BRINP1: variants seen among roughly 807,000 people sequenced by gnomAD.
BRINP1 encodes BMP/retinoic acid-inducible neural-specific protein 1.
A neutral mutation model predicts 72.9 loss-of-function variants in BRINP1; 17 were observed. The ratio of observed to expected loss-of-function variants is 0.23; its 90% CI spans 0.16 to 0.35. BRINP1 has a LOEUF of 0.35. Ranked by LOEUF, BRINP1 falls within the 10% of genes least tolerant of loss-of-function variation. The probability of loss-of-function intolerance (pLI) is 1.00; values close to 1 mark genes in which losing one functional copy is unlikely to be tolerated. For synonymous variants in BRINP1, 418 were observed against 378.5 expected, an observed-to-expected ratio of 1.10 and a Z score of -1.21; for missense variants, 850 against 1,001.6, an observed-to-expected ratio of 0.85 and a Z score of 2.04.
chr9:119,335,489 G>A (rs2119016150), intron 1 of BRINP1, among the ~76,000 whole-genome samples: 1 of 152,266 alleles, frequency 6.6e-6, no homozygotes, highest in Middle Eastern at 3.4e-3. Flanking sequence ...TCTTTCAACA[G>A]GTACTTACTG....
intron 1 of BRINP1, among the ~76,000 whole-genome samples, chr9:119,326,680 T>A (rs1831244762): frequency 6.6e-6 from 1 of 152,200 alleles, no homozygotes; most frequent in South Asian, 2.1e-4. Flanking sequence ...TATTTTGGAG[T>A]GTTTATTGTA....
At chr9:119,283,178 T>A in intron 2 of BRINP1, 1 of 984,938 alleles carries the variant, frequency 1.0e-6, no homozygotes, top group Non-Finnish European at 1.2e-6. Context: ...CCTCCTTGAG[T>A]GTTTCTTTAG....
chr9:119,183,429 C>T (rs1829579074), intron 7 of BRINP1, among the ~76,000 whole-genome samples: 1 of 152,264 alleles, frequency 6.6e-6, no homozygotes, highest in African/African-American at 2.4e-5. Context: ...AACTGACCTA[C>T]ACTGGATGAA....
intron 5 of BRINP1, among the ~76,000 whole-genome samples, chr9:119,221,934 TGGTAG>T (rs2118886035): frequency 6.6e-6 from 1 of 152,218 alleles, no homozygotes; most frequent in East Asian, 1.9e-4. Context: ...AGATGGCAGG[TGGTAG>T]GGTGGGTTAT....
At chr9:119,225,350 T>C (rs1830079345) in intron 5 of BRINP1, among the ~76,000 whole-genome samples, 1 of 151,962 alleles carries the variant, frequency 6.6e-6, no homozygotes, top group South Asian at 2.1e-4. Context: ...AGGGGATTGG[T>C]CCTAGAATCC....
At chr9:119,268,861 C>G (rs750985306) in intron 2 of BRINP1, among the ~76,000 whole-genome samples, 67 of 152,200 alleles carry the variant, frequency 4.4e-4, no homozygotes, top group African/African-American at 1.6e-3. Context: ...TCCCATCCAA[C>G]AAGACCAAAA....
chr9:119,333,826 A>G (rs1317576527), intron 1 of BRINP1, among the ~76,000 whole-genome samples: 4 of 152,196 alleles, frequency 2.6e-5, no homozygotes, highest in African/African-American at 9.7e-5. Context: ...AAAAAAATAT[A>G]TATTGCATCT....
chr9:119,260,934 G>A (rs1564231526), intron 2 of BRINP1, among the ~76,000 whole-genome samples: 1 of 152,130 alleles, frequency 6.6e-6, no homozygotes, highest in African/African-American at 2.4e-5. Flanking sequence ...GATCTGATGA[G>A]TTGTAAATGT....
intron 2 of BRINP1, among the ~76,000 whole-genome samples, chr9:119,275,658 C>T (rs1364733085): frequency 6.6e-6 from 1 of 152,190 alleles, no homozygotes; most frequent in East Asian, 1.9e-4. Flanking sequence ...CTCCTACAAC[C>T]TCAAAAGGAG....
intron 1 of BRINP1, among the ~76,000 whole-genome samples, chr9:119,341,721 G>C (rs1462573409): frequency 1.3e-5 from 2 of 152,128 alleles, no homozygotes; most frequent in Non-Finnish European, 2.9e-5. Context: ...CTTATGATAG[G>C]TTTATTGGTA....
rs1829340198 is a variant in BRINP1 at position 119,167,931 on chromosome 9, T to A, written c.1439A>T (p.Asp480Val). Reference protein sequence around the residue: ...RSEQFISFETDLDFQDLELKY... With the variant: ...RSEQFISFETVLDFQDLELKY... ...CAGCTCCAGGTCCTGGAAGTCCAGG[T>A]CAGTCTCAAAGCTGATGAACTGCTC... The change falls in exon 8 of 8, where the codon GAC becomes GTC. Residue 480 changes from aspartate to valine, a missense_variant. Physicochemically the swap from Asp to Val is radical, Grantham distance 152 (BLOSUM62 -3). Coordinates refer to ENST00000265922, the MANE Select transcript of BRINP1 (RefSeq NM_014618.3). The surrounding 1 kb of genome is among the most constrained non-coding windows in gnomAD (Gnocchi z 4.3). The A allele has an allele frequency of 6.2e-7, 1 of 1,614,066 alleles. No individual in the cohort carries two copies. Among genetic ancestry groups the A allele is most frequent in the South Asian group, 1.1e-5 (1 of 91,092 alleles).
intron 7 of BRINP1, among the ~76,000 whole-genome samples, chr9:119,196,488 C>G (rs1329191699): frequency 6.6e-6 from 1 of 152,186 alleles, no homozygotes; most frequent in Non-Finnish European, 1.5e-5. Flanking sequence ...ATTTTTCCCT[C>G]TGGCTTCATA....
intron 1 of BRINP1, among the ~76,000 whole-genome samples, chr9:119,341,643 G>A (rs1375525031): frequency 1.3e-5 from 2 of 152,206 alleles, no homozygotes; most frequent in Non-Finnish European, 1.5e-5. Context: ...AGTGTTCTAA[G>A]CATGTTGAAG....
At chr9:119,176,005 C>T (rs1466195836) in intron 7 of BRINP1, among the ~76,000 whole-genome samples, 10 of 152,168 alleles carry the variant, frequency 6.6e-5, no homozygotes, top group Admixed American at 5.2e-4. Context: ...CCTAATCATT[C>T]CCACCACACA....
chr9:119,272,426 G>A (rs1830617028), intron 2 of BRINP1, among the ~76,000 whole-genome samples: 1 of 152,090 alleles, frequency 6.6e-6, no homozygotes, highest in Non-Finnish European at 1.5e-5. Context: ...ATATCTGGTT[G>A]AGGTGGGTGA....
rs79151195 is a variant in BRINP1, at chr9:119,287,391, T to C, written c.218+25747A>G. ...TTGAATCCCAGTGCTTCTCATATTGTCTGTGTTATCTGGGACAAGTTTATT... is the reference window on the plus strand; with the variant it reads ...TTGAATCCCAGTGCTTCTCATATTGCCTGTGTTATCTGGGACAAGTTTATT... On this transcript the variant is annotated intron_variant, in intron 2 of 7. Transcript: ENST00000265922. Among the ~76,000 whole-genome samples the C allele has an allele frequency of 8.1e-3, 1,230 of 152,322 alleles. 13 individuals are homozygous for C. The highest frequency in any genetic ancestry group is 0.029 in the African/African-American group (1,188 of 41,552).
At chr9:119,243,730 T>C (rs1248729232) in intron 3 of BRINP1, among the ~76,000 whole-genome samples, 1 of 152,216 alleles carries the variant, frequency 6.6e-6, no homozygotes, top group African/African-American at 2.4e-5. Context: ...TTTCTCCTTT[T>C]TGTCTTTTTC....
intron 2 of BRINP1, among the ~76,000 whole-genome samples, chr9:119,310,464 C>G (rs1172108078): frequency 1.3e-5 from 2 of 152,204 alleles, no homozygotes; most frequent in Non-Finnish European, 2.9e-5. Context: ...TTGTCACTAG[C>G]AATGACTTGA....
intron 1 of BRINP1, among the ~76,000 whole-genome samples, chr9:119,367,221 G>GTTATATATATATATAT (rs1564259756): frequency 1.0e-5 from 1 of 99,850 alleles, no homozygotes; most frequent in Non-Finnish European, 1.9e-5. Flanking sequence ...GTGTGTGATT[G>GTTATATATATATATAT]ATATATATAT....
Sources: gnomAD v4.1 joint callset for allele counts (sites outside exome capture counted in the v4.1 genomes callset) on GRCh38, gnomAD v4.1.1 for gene constraint, Gnocchi (gnomAD v3.1) non-coding constraint, MANE v1.5 for transcripts, NCBI Gene and HGNC (gene_info 2026-07-23, HGNC 2026-07-21) for gene names.